AKAP6: variants seen among roughly 807,000 people sequenced by gnomAD.
The protein encoded by AKAP6 is A-kinase anchor protein 6.
AKAP6 carries 58 observed loss-of-function variants against 188.5 expected under a neutral mutation model. The observed-to-expected ratio is 0.31, with a 90% CI of 0.25 to 0.38. The LOEUF is 0.38. Among genes scored for constraint, AKAP6 ranks in the 10% least tolerant of loss-of-function variants. The pLI, the probability that AKAP6 is intolerant of heterozygous loss-of-function variation, is 1.00. For synonymous variants in AKAP6, 989 were observed against 998.6 expected (o/e 0.99, Z 0.18); for missense variants, 2,710 against 2,740.0 (o/e 0.99, Z 0.24).
chr14:32,821,666 ATTTACCAGG>A lies in AKAP6; in HGVS notation c.3855_3863del (p.Ile1285_Val1288delinsMet), dbSNP rs1388268241. 2.5e-6 allele frequency: 4 copies of A among 1,613,728 alleles called. No homozygotes were observed. The highest frequency in any genetic ancestry group is 3.4e-6 in the Non-Finnish European group (4 of 1,179,894). ...TATTACTGCCCCCTCTAGTCCACAC[ATTTACCAGG>A]TGTACAGCCTCCACAATGTTGAACT... On this transcript the variant is annotated inframe_deletion, in exon 13 of 14. Transcript: ENST00000280979.
chr14:32,357,812 T>C (rs1887531301), intron 1 of AKAP6, among the ~76,000 whole-genome samples: 1 of 152,216 alleles, frequency 6.6e-6, no homozygotes, highest in Non-Finnish European at 1.5e-5. Flanking sequence ...GTATCTGTGA[T>C]GTGAAGGACA....
At chr14:32,335,842 C>CTTTTTT (rs375076849) in intron 1 of AKAP6, among the ~76,000 whole-genome samples, 93 of 93,990 alleles carry the variant, frequency 9.9e-4, no homozygotes, top group African/African-American at 1.7e-3. Context: ...TCCTTTTCTC[C>CTTTTTT]TTTTTTTTTT....
Position 32,830,200 on chromosome 14 carries a change from A to G in AKAP6, c.*395A>G, listed in dbSNP as rs917725310. On this transcript the variant is annotated 3_prime_UTR_variant, in exon 14 of 14. Coordinates refer to ENST00000280979, the MANE Select transcript of AKAP6 (RefSeq NM_004274.5). ...GGTAGTCCATTAAATTCTCCTGTCT[A>G]GAATGACCCCCCCACCAGTACTTGA... is the stretch of plus-strand genomic sequence containing the variant. 1 of 478,034 alleles carries G rather than the reference A, an allele frequency of 2.1e-6. No homozygotes were observed. Among genetic ancestry groups the G allele is most frequent in the South Asian group, 3.3e-5 (1 of 30,672 alleles). 29.6% of individuals were successfully genotyped at this position (478,034 alleles called of 1,614,324 possible).
intron 2 of AKAP6, chr14:32,494,318 T>C (rs1296970293): frequency 6.6e-6 from 1 of 152,210 alleles, no homozygotes; most frequent in Admixed American, 6.5e-5. Flanking sequence ...TGTGAATTTA[T>C]CCTGTGTTAC....
At chr14:32,518,055 G>T (rs1228168993) in intron 2 of AKAP6, among the ~76,000 whole-genome samples, 1 of 152,206 alleles carries the variant, frequency 6.6e-6, no homozygotes, top group Non-Finnish European at 1.5e-5. Context: ...CTGTTCTGCA[G>T]CCTGTGCTGG....
intron 4 of AKAP6, among the ~76,000 whole-genome samples, chr14:32,570,378 G>A (rs958411777): frequency 6.6e-6 from 1 of 151,484 alleles, no homozygotes. Context: ...TCCTGACCTT[G>A]TGATCTGCCC....
intron 1 of AKAP6, 177 bp from the exon 2 acceptor site, chr14:32,433,283 C>T (rs1398199962): frequency 1.9e-6 from 1 of 536,412 alleles, no homozygotes; most frequent in African/African-American, 1.9e-5. Context: ...TATTTCCTGG[C>T]TCTTGGGGCT....
intron 4 of AKAP6, among the ~76,000 whole-genome samples, chr14:32,572,044 G>A (rs1313765099): frequency 2.6e-5 from 4 of 152,212 alleles, no homozygotes; most frequent in South Asian, 2.1e-4. Flanking sequence ...AGGACTCAGC[G>A]AATTCTATCT....
intron 7 of AKAP6, among the ~76,000 whole-genome samples, chr14:32,622,180 GC>G (rs2139422638): frequency 1.3e-5 from 2 of 151,988 alleles, no homozygotes; most frequent in South Asian, 4.2e-4. Flanking sequence ...GCTACTTACT[GC>G]TTCATAATTT....
intron 3 of AKAP6, among the ~76,000 whole-genome samples, chr14:32,540,192 A>ATACATATTTTTT (rs1406480125): frequency 8.1e-6 from 1 of 123,424 alleles, no homozygotes; most frequent in Non-Finnish European, 1.7e-5. Flanking sequence ...ATATATATAT[A>ATACATATTTTTT]TTTTAATTTT....
chr14:32,526,325 C>A (rs755060449), intron 2 of AKAP6, among the ~76,000 whole-genome samples: 1 of 152,122 alleles, frequency 6.6e-6, no homozygotes, highest in Non-Finnish European at 1.5e-5. Context: ...CTCTGCCTCC[C>A]GGGGTCAAGT....
At chr14:32,512,435 T>A (rs1881308178) in intron 2 of AKAP6, among the ~76,000 whole-genome samples, 1 of 152,206 alleles carries the variant, frequency 6.6e-6, no homozygotes. Context: ...ATTGAATTTG[T>A]TTCTTAGCTG....
intron 11 of AKAP6, among the ~76,000 whole-genome samples, chr14:32,750,750 T>G (rs1405484487): frequency 4.2e-5 from 6 of 142,574 alleles, no homozygotes; most frequent in Non-Finnish European, 7.5e-5. Flanking sequence ...TTTTTTTTTT[T>G]GTTTTTTTTT....
intron 7 of AKAP6, among the ~76,000 whole-genome samples, chr14:32,617,613 G>A (rs1047866724): frequency 2.0e-5 from 3 of 152,046 alleles, no homozygotes; most frequent in East Asian, 1.9e-4. Flanking sequence ...CTTAAATTAC[G>A]TGTGTCCTTT....
chr14:32,748,032 T>C (rs963234005), intron 11 of AKAP6, among the ~76,000 whole-genome samples: 3 of 152,208 alleles, frequency 2.0e-5, no homozygotes, highest in African/African-American at 4.8e-5. Flanking sequence ...CTTATTGTCT[T>C]GAAAATCAGA....
At chr14:32,706,644 C>G (rs1950700) in intron 9 of AKAP6, among the ~76,000 whole-genome samples, 1 of 152,084 alleles carries the variant, frequency 6.6e-6, no homozygotes, top group African/African-American at 2.4e-5. Flanking sequence ...AAGAGCCTTC[C>G]TAAGCATATT....
chr14:32,511,909 A>G (rs564776984), intron 2 of AKAP6, among the ~76,000 whole-genome samples: 1 of 152,308 alleles, frequency 6.6e-6, no homozygotes, highest in Non-Finnish European at 1.5e-5. Context: ...GAAGCAGGTA[A>G]AGTATAAATC....
intron 7 of AKAP6, among the ~76,000 whole-genome samples, chr14:32,650,939 T>C (rs1888196735): frequency 6.6e-6 from 1 of 152,154 alleles, no homozygotes; most frequent in Non-Finnish European, 1.5e-5. Flanking sequence ...CCAAAGAGGA[T>C]TGTAAAGTTT....
Position 32,811,255 on chromosome 14 carries a change from A to AAAAAAAAAAAAAAT in AKAP6, c.3589-10146_3589-10145insAAAAAAAAAAAATA, listed in dbSNP as rs546819675. Among the ~76,000 whole-genome samples, 258 of 118,318 alleles carry AAAAAAAAAAAAAAT rather than the reference A, an allele frequency of 2.2e-3. 29 individuals are homozygous for AAAAAAAAAAAAAAT. Among genetic ancestry groups the AAAAAAAAAAAAAAT allele is most frequent in the Middle Eastern group, 0.01 (2 of 192 alleles). 77.6% of individuals were successfully genotyped at this position (118,318 alleles called of 152,430 possible). ...CTCCGTCTCAGGAAAAAAAAAAAAA[A>AAAAAAAAAAAAAAT]AGTTGAAAAACAGACTAAGATAATG... On this transcript the variant is annotated intron_variant, in intron 12 of 13. Coordinates refer to ENST00000280979, the MANE Select transcript of AKAP6 (RefSeq NM_004274.5).
Sources: gnomAD v4.1 joint callset for allele counts (sites outside exome capture counted in the v4.1 genomes callset) on GRCh38, gnomAD v4.1.1 for gene constraint, MANE v1.5 for transcripts, NCBI Gene and HGNC (gene_info 2026-07-23, HGNC 2026-07-21) for gene names.